DCDC1: variants seen among roughly 807,000 people sequenced by gnomAD.
DCDC1 encodes the protein doublecortin domain-containing protein 1.
Under a neutral mutation model 178.3 loss-of-function variants are expected in DCDC1, and 200 were observed. The observed-to-expected ratio is 1.12, with a 90% confidence interval of 1.00 to 1.26. The LOEUF (loss-of-function observed/expected upper bound fraction) is 1.26, where lower values mean the gene tolerates loss of function less well. Ranked by LOEUF, DCDC1 falls within the 50% of genes most tolerant of loss-of-function variation. The pLI is 0.00. For synonymous variants in DCDC1, 690 were observed against 604.8 expected (o/e 1.14, Z -2.07); for missense variants, 1,983 against 1,749.2 (o/e 1.13, Z -2.38).
rs148852632 is a variant in DCDC1 at position 30,931,659 on chromosome 11, C to T, written c.2897+112G>A. ...TCATCTTCAAATATGAATATGGGAG[C>T]CCTTTTGCTAAATAAATACAGAATT... On this transcript the variant is annotated intron_variant, in intron 22 of 38. Coordinates refer to ENST00000684477, the MANE Select transcript of DCDC1 (RefSeq NM_001387274.1). The T allele has an allele frequency of 1.4e-5, 15 of 1,064,558 alleles. No individual in the cohort carries two copies. In the African/African-American group the frequency reaches 2.0e-4, roughly 14 times the overall value. 65.9% of individuals were successfully genotyped at this position (1,064,558 alleles called of 1,614,324 possible).
intron 18 of DCDC1, among the ~76,000 whole-genome samples, chr11:31,068,545 A>G (rs1240711355): frequency 1.3e-5 from 2 of 152,146 alleles, no homozygotes. Flanking sequence ...GTATATCACA[A>G]AGTAATATGT....
chr11:31,163,618 A>G (rs1214072260), intron 9 of DCDC1, among the ~76,000 whole-genome samples: 2 of 152,210 alleles, frequency 1.3e-5, no homozygotes, highest in Non-Finnish European at 2.9e-5. Flanking sequence ...ATAAGCTAAA[A>G]GAGAGCCTGA....
chr11:31,136,577 T>C (rs2135991745), intron 10 of DCDC1, among the ~76,000 whole-genome samples: 1 of 152,254 alleles, frequency 6.6e-6, no homozygotes, highest in East Asian at 1.9e-4. Context: ...GAAGCTTGAA[T>C]GCATTTATTT....
At chr11:31,324,643 T>C (rs1233035286) in intron 3 of DCDC1, among the ~76,000 whole-genome samples, 5 of 152,146 alleles carry the variant, frequency 3.3e-5, no homozygotes, top group African/African-American at 1.2e-4. Flanking sequence ...TTCTTCTCAC[T>C]CCCTTCTGTC....
chr11:30,991,192 A>G (rs995726638), intron 20 of DCDC1, among the ~76,000 whole-genome samples: 1 of 152,168 alleles, frequency 6.6e-6, no homozygotes, highest in Non-Finnish European at 1.5e-5. Flanking sequence ...AGCAGACAGG[A>G]GAGAAGGCTA....
intron 7 of DCDC1, among the ~76,000 whole-genome samples, chr11:31,279,178 T>C (rs1383009889): frequency 6.6e-6 from 1 of 152,194 alleles, no homozygotes; most frequent in African/African-American, 2.4e-5. Context: ...TTGTGTTAAA[T>C]GAATAGTTAA....
chr11:31,210,287 A>G (rs1025288029), intron 9 of DCDC1, among the ~76,000 whole-genome samples: 3 of 152,220 alleles, frequency 2.0e-5, no homozygotes, highest in Non-Finnish European at 4.4e-5. Flanking sequence ...GTCACTGACT[A>G]TCAATTGTTC....
intron 3 of DCDC1, among the ~76,000 whole-genome samples, chr11:31,316,025 T>C (rs1419696763): frequency 1.4e-5 from 1 of 73,544 alleles, no homozygotes; most frequent in African/African-American, 1.2e-4. Flanking sequence ...ACGGTGTATA[T>C]GTGCCACATT....
At chr11:31,326,883 A>G (rs1949675938) in intron 3 of DCDC1, among the ~76,000 whole-genome samples, 1 of 152,184 alleles carries the variant, frequency 6.6e-6, no homozygotes. Context: ...AGACTAGGGC[A>G]TCACACTCAG....
intron 36 of DCDC1, chr11:30,882,373 C>G (rs903981118): frequency 6.6e-6 from 1 of 152,114 alleles, no homozygotes; most frequent in African/African-American, 2.4e-5. Flanking sequence ...AAAATATATT[C>G]CCCTCTATAG....
chr11:31,229,881 T>C (rs547999128), intron 9 of DCDC1, among the ~76,000 whole-genome samples: 50 of 152,226 alleles, frequency 3.3e-4, no homozygotes, highest in African/African-American at 1.2e-3. Flanking sequence ...AAGCCATATA[T>C]GAAAAGTCCA....
At chr11:31,145,984 A>G (rs1964404483) in intron 9 of DCDC1, among the ~76,000 whole-genome samples, 1 of 152,030 alleles carries the variant, frequency 6.6e-6, no homozygotes, top group Admixed American at 6.6e-5. Flanking sequence ...AGACACTAAT[A>G]TTACTTTCTT....
At chr11:31,073,444 G>A (rs1193969385) in intron 18 of DCDC1, among the ~76,000 whole-genome samples, 2 of 152,164 alleles carry the variant, frequency 1.3e-5, no homozygotes, top group Admixed American at 6.5e-5. Context: ...GTCTGTTGAC[G>A]GAAAGAGTGA....
At chr11:31,044,621 G>C (rs1179661562) in intron 20 of DCDC1, among the ~76,000 whole-genome samples, 1 of 152,038 alleles carries the variant, frequency 6.6e-6, no homozygotes, top group African/African-American at 2.4e-5. Context: ...AAAAAAAAGG[G>C]GACATCTGTC....
rs765393885 is a variant in DCDC1, at chr11:31,249,700, G to A, written c.1055-8084C>T. On this transcript the variant is annotated intron_variant, in intron 8 of 38. Coordinates refer to ENST00000684477, the MANE Select transcript of DCDC1 (RefSeq NM_001387274.1). The stretch of plus-strand genomic sequence containing the variant: ...GAGATTTAAGGACTGATTAATTATT[G>A]CCAGCACTTAGCACCCTTCTTCAGC... 5.3e-4 allele frequency among the ~76,000 whole-genome samples: 80 copies of A among 152,206 alleles called. No homozygotes were observed. The Middle Eastern group carries it at 0.01, about 19-fold the overall frequency.
intron 2 of DCDC1, among the ~76,000 whole-genome samples, chr11:31,330,078 T>C (rs559242745): frequency 6.6e-6 from 1 of 152,294 alleles, no homozygotes; most frequent in African/African-American, 2.4e-5. Flanking sequence ...CCTGACTTTT[T>C]AATGATCGCC....
At position 31,176,060 on chromosome 11, in the gene DCDC1, C is replaced by T. The variant is rs77122187; in HGVS notation, c.1222-38276G>A. Reference sequence around the variant, plus strand: ...CTTCAATGACAGATCACAAAGAAAACGACTTTTACAGAATGCCTAAAAAGA... The same window carrying T: ...CTTCAATGACAGATCACAAAGAAAATGACTTTTACAGAATGCCTAAAAAGA... On this transcript the variant is annotated intron_variant, in intron 9 of 38. Coordinates refer to ENST00000684477, the MANE Select transcript of DCDC1 (RefSeq NM_001387274.1). Among the ~76,000 whole-genome samples, 1,270 of 152,148 alleles carry T rather than the reference C, an allele frequency of 8.3e-3. 22 individuals carry two copies. The highest frequency in any genetic ancestry group is 0.029 in the African/African-American group (1,209 of 41,496).
chr11:31,179,618 T>A (rs1452033444), intron 9 of DCDC1, among the ~76,000 whole-genome samples: 3 of 152,212 alleles, frequency 2.0e-5, no homozygotes, highest in African/African-American at 7.2e-5. Flanking sequence ...GGATCTTTTT[T>A]ACTTAAAGTT....
intron 16 of DCDC1, among the ~76,000 whole-genome samples, chr11:31,093,276 A>G (rs1305789632): frequency 1.3e-5 from 2 of 152,210 alleles, no homozygotes; most frequent in Non-Finnish European, 2.9e-5. Flanking sequence ...ACAATAGCTA[A>G]GGGCAATCCA....
Sources: allele counts gnomAD v4.1 joint callset (sites outside exome capture counted in the v4.1 genomes callset), GRCh38; gene constraint gnomAD v4.1.1; transcripts MANE v1.5; gene names NCBI Gene and HGNC (gene_info 2026-07-23, HGNC 2026-07-21).